UNC79: variants seen among roughly 807,000 people sequenced by gnomAD.
UNC79 encodes protein unc-79 homolog.
UNC79 carries 37 observed loss-of-function variants against 283.1 expected under a neutral mutation model. The observed-to-expected ratio is 0.13, with a 90% CI of 0.10 to 0.17. The LOEUF (loss-of-function observed/expected upper bound fraction) is 0.17. UNC79 is among the 10% of genes least tolerant of loss of function. UNC79 has a pLI of 1.00. For synonymous variants in UNC79, 1,107 were observed against 1,200.2 expected (o/e 0.92, Z 1.61); for missense variants, 2,272 against 3,211.1 (o/e 0.71, Z 7.07).
chr14:93,434,392 G>T (rs118074348), intron 1 of UNC79, among the ~76,000 whole-genome samples: 47 of 151,790 alleles, frequency 3.1e-4, no homozygotes, highest in African/African-American at 1.1e-3. Context: ...TTCTCCAAAT[G>T]CTTCTTTTTC....
chr14:93,333,565 G>T (rs1265576793), intron 1 of UNC79: 1 of 396,632 alleles, frequency 2.5e-6, no homozygotes, highest in African/African-American at 2.1e-5. Flanking sequence ...GCACCACCTT[G>T]CTACTTGTGT....
exon 30 of UNC79, chr14:93,622,237 C>T: frequency 6.2e-7 from 1 of 1,614,132 alleles, no homozygotes; most frequent in Non-Finnish European, 8.5e-7. Context: ...CCTCTTCTCC[C>T]TCCGTCCCCA....
chr14:93,574,820 T>C (rs1160624790), intron 16 of UNC79, among the ~76,000 whole-genome samples: 1 of 151,858 alleles, frequency 6.6e-6, no homozygotes, highest in African/African-American at 2.4e-5. Context: ...CTGAGAAGTG[T>C]TAATAGAAAG....
At chr14:93,544,526 T>C (rs1227679734) in intron 14 of UNC79, among the ~76,000 whole-genome samples, 2 of 152,254 alleles carry the variant, frequency 1.3e-5, no homozygotes, top group African/African-American at 4.8e-5. Flanking sequence ...TTCTTTAGCT[T>C]AAATGTTTTC....
intron 41 of UNC79, 26 bp downstream of exon 44, chr14:93,673,481 C>T: frequency 6.3e-7 from 1 of 1,597,730 alleles, no homozygotes; most frequent in Non-Finnish European, 8.5e-7. Context: ...ATTTGTAAAA[C>T]TTTTCATGAG....
intron 1 of UNC79, among the ~76,000 whole-genome samples, chr14:93,444,055 T>C (rs1459551567): frequency 6.6e-6 from 1 of 152,222 alleles, no homozygotes; most frequent in African/African-American, 2.4e-5. Context: ...GGTTTTATGT[T>C]CCCACCAGCA....
At chr14:93,519,562 A>G (rs905903291) in intron 7 of UNC79, among the ~76,000 whole-genome samples, 5 of 151,884 alleles carry the variant, frequency 3.3e-5, no homozygotes, top group African/African-American at 9.7e-5. Context: ...GAAGCCTATC[A>G]TGATACACTT....
chr14:93,480,282 T>C (rs1264826482), intron 4 of UNC79, among the ~76,000 whole-genome samples: 1 of 152,224 alleles, frequency 6.6e-6, no homozygotes, highest in Non-Finnish European at 1.5e-5. Context: ...TATGAACAAG[T>C]CACTTCATGT....
intron 1 of UNC79, among the ~76,000 whole-genome samples, chr14:93,349,727 T>C (rs1228748942): frequency 6.6e-6 from 1 of 152,232 alleles, no homozygotes; most frequent in African/African-American, 2.4e-5. Context: ...CCAATTATTT[T>C]ATATCTACCT....
At chr14:93,414,635 C>T (rs2055412664) in intron 1 of UNC79, among the ~76,000 whole-genome samples, 1 of 152,142 alleles carries the variant, frequency 6.6e-6, no homozygotes, top group South Asian at 2.1e-4. Flanking sequence ...GCCATTTTCA[C>T]AATATTGATT....
chr14:93,409,294 T>C (rs1468285312), intron 1 of UNC79, among the ~76,000 whole-genome samples: 1 of 152,152 alleles, frequency 6.6e-6, no homozygotes, highest in Admixed American at 6.5e-5. Context: ...TAATATGAAA[T>C]AATATTCCAT....
At chr14:93,565,226 TTG>T (rs1335878335) in intron 14 of UNC79, among the ~76,000 whole-genome samples, 1 of 152,234 alleles carries the variant, frequency 6.6e-6, no homozygotes, top group African/African-American at 2.4e-5. Flanking sequence ...GTTTCTTTTC[TTG>T]TTTTTTATTG....
chr14:93,381,808 A>G (rs1401981693), intron 1 of UNC79, among the ~76,000 whole-genome samples: 3 of 152,228 alleles, frequency 2.0e-5, no homozygotes, highest in East Asian at 1.9e-4. Flanking sequence ...AGCTTTAAAC[A>G]CTTGCCATGG....
At chr14:93,638,923 A>G (rs754948399) in intron 32 of UNC79, among the ~76,000 whole-genome samples, 24 of 152,186 alleles carry the variant, frequency 1.6e-4, no homozygotes, top group African/African-American at 5.5e-4. Flanking sequence ...GTGTTGCCCT[A>G]TGGGGATCAG....
chr14:93,650,309 C>T (rs2070108787), intron 35 of UNC79, among the ~76,000 whole-genome samples: 1 of 151,960 alleles, frequency 6.6e-6, no homozygotes, highest in African/African-American at 2.4e-5. Flanking sequence ...GTTTTTATTT[C>T]TCTTGGGTAA....
At chr14:93,388,997 G>A (rs751157664) in intron 1 of UNC79, among the ~76,000 whole-genome samples, 1 of 152,196 alleles carries the variant, frequency 6.6e-6, no homozygotes, top group Non-Finnish European at 1.5e-5. Flanking sequence ...TGATTGGAAT[G>A]GACCAGTTTA....
At chr14:93,668,357 TG>T (rs774429508) in intron 40 of UNC79, among the ~76,000 whole-genome samples, 1 of 152,160 alleles carries the variant, frequency 6.6e-6, no homozygotes, top group Non-Finnish European at 1.5e-5. Context: ...CAACTACAGA[TG>T]ATTATAAAAC....
At chr14:93,666,188 G>C (rs1011555769) in intron 40 of UNC79, among the ~76,000 whole-genome samples, 1 of 152,002 alleles carries the variant, frequency 6.6e-6, no homozygotes, top group Non-Finnish European at 1.5e-5. Context: ...CATTGTAAAT[G>C]TAAACTCCAA....
At chr14:93,549,997 G>C (rs1224292903) in intron 14 of UNC79, among the ~76,000 whole-genome samples, 1 of 152,224 alleles carries the variant, frequency 6.6e-6, no homozygotes, top group Admixed American at 6.5e-5. Flanking sequence ...TCAGAAACCA[G>C]TTTTAAAGCA....
Sources: allele counts gnomAD v4.1 joint callset (sites outside exome capture counted in the v4.1 genomes callset), GRCh38; gene constraint gnomAD v4.1.1; transcripts MANE v1.5; gene names NCBI Gene and HGNC (gene_info 2026-07-23, HGNC 2026-07-21).